FAM222A: variants seen among roughly 807,000 people sequenced by gnomAD.
FAM222A encodes the protein family with sequence similarity 222 member A.
Under a neutral mutation model 25.8 loss-of-function variants are expected in FAM222A, and 7 were observed. The observed-to-expected ratio is 0.27, with a 90% confidence interval of 0.15 to 0.51. The LOEUF is 0.51. Among genes scored for constraint, FAM222A ranks in the 20% least tolerant of loss-of-function variants. The pLI is 0.97. For missense variants in FAM222A, 573 were observed against 640.5 expected, an observed-to-expected ratio of 0.89 and a Z score of 1.14; for synonymous variants, 294 against 298.8, an observed-to-expected ratio of 0.98 and a Z score of 0.17.
chr12:109,764,309 G>A (rs745842528), intron 2 of FAM222A, among the ~76,000 whole-genome samples: 11 of 151,492 alleles, frequency 7.3e-5, no homozygotes, highest in Non-Finnish European at 1.3e-4. Flanking sequence ...CACTTTCTGT[G>A]GAATGGCAGA....
intron 2 of FAM222A, among the ~76,000 whole-genome samples, chr12:109,745,448 C>T (rs1461025237): frequency 6.6e-6 from 1 of 152,302 alleles, no homozygotes; most frequent in Non-Finnish European, 1.5e-5. Context: ...GATAAAACTG[C>T]AGGGTACATT....
At chr12:109,722,264 G>T in intron 1 of FAM222A, among the ~76,000 whole-genome samples, 1 of 152,308 alleles carries the variant, frequency 6.6e-6, no homozygotes, top group East Asian at 1.9e-4. Context: ...AGGAGCCAGG[G>T]CTGGCCTGGA....
chr12:109,748,916 AG>A (rs1888482222), intron 2 of FAM222A, among the ~76,000 whole-genome samples: 1 of 151,942 alleles, frequency 6.6e-6, no homozygotes. Flanking sequence ...TTTCCCTTAG[AG>A]AGTTACATTT....
chr12:109,716,204 G>C (rs1191091489), intron 1 of FAM222A, among the ~76,000 whole-genome samples: 1 of 152,278 alleles, frequency 6.6e-6, no homozygotes, highest in South Asian at 2.1e-4. Context: ...CCCTGCAAAG[G>C]CCCAGAGAAC....
chr12:109,768,836 T>G lies in FAM222A; in HGVS notation c.907T>G (p.Tyr303Asp). The change falls in exon 3 of 3, where the codon TAC becomes GAC. Residue 303 changes from tyrosine to aspartate, a missense_variant. By Grantham distance (160) the Tyr-to-Asp change is radical. Transcript: ENST00000538780. ...PPPPPQPLRA[Y>D]SGSTVASKSP... is the part of the protein sequence containing the mutation. ...ACCGCCGCCCCAGCCACTGCGTGCCTACAGTGGGAGCACGGTGGCCAGCAA... is the reference window on the plus strand; with the variant it reads ...ACCGCCGCCCCAGCCACTGCGTGCCGACAGTGGGAGCACGGTGGCCAGCAA... The G allele has an allele frequency of 6.3e-7, 1 of 1,580,608 alleles. No homozygotes were observed. Among genetic ancestry groups the G allele is most frequent in the South Asian group, 1.1e-5 (1 of 87,986 alleles).
rs373818308 is a variant in FAM222A, at chr12:109,744,152, G to A, written c.6G>A (p.Leu2=). 2 of 1,613,122 alleles carry A rather than the reference G, an allele frequency of 1.2e-6. No individual in the cohort carries two copies. The highest frequency in any genetic ancestry group is 1.7e-6 in the Non-Finnish European group (2 of 1,179,944). Residue 2 remains leucine, a synonymous_variant, in exon 2 of 3, where the codon CTG becomes CTA. Transcript: ENST00000538780. ...TGGGGACCCCCAGCTCAGCCATGCT[G>A]GCCTGTCTGCAGAGGACCCAGAACG... M[L]ACLQRTQNAP...
At chr12:109,751,399 T>A (rs2136358689) in intron 2 of FAM222A, among the ~76,000 whole-genome samples, 1 of 152,230 alleles carries the variant, frequency 6.6e-6, no homozygotes, top group East Asian at 1.9e-4. Flanking sequence ...TTGCCTTGCT[T>A]TCATTTTTTA....
At chr12:109,727,491 T>C (rs1310027378) in intron 1 of FAM222A, among the ~76,000 whole-genome samples, 4 of 152,128 alleles carry the variant, frequency 2.6e-5, no homozygotes, top group Non-Finnish European at 4.4e-5. Context: ...GGTCCTTGGC[T>C]GCTAGAGGAG....
chr12:109,769,211 A>G lies in FAM222A; in HGVS notation c.1282A>G (p.Lys428Glu), dbSNP rs1246279790. 1 of 1,612,196 alleles carries G rather than the reference A, an allele frequency of 6.2e-7. No homozygotes were observed. The change falls in exon 3 of 3, where the codon AAG becomes GAG. Residue 428 changes from lysine to glutamate, a missense_variant. Physicochemically the swap from Lys to Glu is moderately conservative, Grantham distance 56 (BLOSUM62 1). Transcript: ENST00000538780. ...PPCIKEQMLG[K>E]GYETVAVPRL... ...CTGCATCAAGGAGCAGATGCTGGGCAAGGGCTATGAGACGGTGGCCGTGCC... is the reference window on the plus strand; with the variant it reads ...CTGCATCAAGGAGCAGATGCTGGGCGAGGGCTATGAGACGGTGGCCGTGCC...
intron 1 of FAM222A, among the ~76,000 whole-genome samples, chr12:109,723,632 C>T (rs1410482868): frequency 6.6e-6 from 1 of 152,256 alleles, no homozygotes. Context: ...AAGCCCCACC[C>T]CAGCTGCCTG....
chr12:109,767,062 C>CTTTTTT (rs757766627), intron 2 of FAM222A, among the ~76,000 whole-genome samples: 25 of 93,062 alleles, frequency 2.7e-4, no homozygotes, highest in African/African-American at 6.0e-4. Context: ...TGCTTGGCTT[C>CTTTTTT]TTTTTTTTTT....
intron 1 of FAM222A, among the ~76,000 whole-genome samples, chr12:109,741,570 C>G (rs1262124612): frequency 6.6e-6 from 1 of 152,210 alleles, no homozygotes; most frequent in Admixed American, 6.5e-5. Context: ...CACCCTTTTT[C>G]AACTGCAAAG....
intron 1 of FAM222A, among the ~76,000 whole-genome samples, chr12:109,721,761 T>C (rs1320182379): frequency 6.6e-6 from 1 of 152,200 alleles, no homozygotes. Flanking sequence ...TGTTCATCCA[T>C]GCAGATTCCG....
At chr12:109,721,760 A>G (rs1887751078) in intron 1 of FAM222A, among the ~76,000 whole-genome samples, 1 of 152,202 alleles carries the variant, frequency 6.6e-6, no homozygotes, top group African/African-American at 2.4e-5. Flanking sequence ...GTGTTCATCC[A>G]TGCAGATTCC....
At chr12:109,763,819 A>G (rs1040406408) in intron 2 of FAM222A, among the ~76,000 whole-genome samples, 1 of 152,236 alleles carries the variant, frequency 6.6e-6, no homozygotes, top group African/African-American at 2.4e-5. Flanking sequence ...GTGGCAGATC[A>G]TGGAGGCCAG....
Position 109,769,463 on chromosome 12 carries a change from A to C in FAM222A, c.*175A>C. ...TGGCCGGATGGAGGGTGGCAGGGCA[A>C]CCTCACATACCAAGGCCCCTCCCCA... On this transcript the variant is annotated 3_prime_UTR_variant, in exon 3 of 3. Transcript: ENST00000538780. The C allele has an allele frequency of 2.7e-6, 2 of 754,180 alleles. No individual in the cohort carries two copies. Among genetic ancestry groups the C allele is most frequent in the Non-Finnish European group, 4.2e-6 (2 of 478,434 alleles). 46.7% of individuals were successfully genotyped at this position (754,180 alleles called of 1,614,324 possible).
intron 1 of FAM222A, among the ~76,000 whole-genome samples, chr12:109,740,484 G>C (rs372948592): frequency 2.6e-5 from 4 of 152,196 alleles, no homozygotes; most frequent in Non-Finnish European, 2.9e-5. Flanking sequence ...TTGGCCAGGG[G>C]GGTAATGAGT....
chr12:109,725,794 C>T (rs145608911), intron 1 of FAM222A, among the ~76,000 whole-genome samples: 99 of 152,138 alleles, frequency 6.5e-4, no homozygotes, highest in African/African-American at 1.7e-3. Context: ...AAAGCCGGCC[C>T]GGAATCCTGT....
rs1423632478 is a variant in FAM222A, at chr12:109,714,238, C to T, written c.-706C>T. 2 of 205,842 alleles carry T rather than the reference C, an allele frequency of 9.7e-6. No homozygotes were observed. The highest frequency in any genetic ancestry group is 1.7e-4 in the East Asian group (1 of 6,030). 12.8% of individuals were successfully genotyped at this position (205,842 alleles called of 1,614,324 possible). ...CGCCGCTGCCGCCGCCGCTGTTCGC[C>T]GGCTTCCCCTCCCCCCACACCCGGG... On this transcript the variant is annotated 5_prime_UTR_variant, in exon 1 of 3. Transcript: ENST00000538780. This position sits in a 1 kb window ranked among gnomAD's most constrained non-coding sequence, Gnocchi z 4.2.
Sources: gnomAD v4.1 joint callset for allele counts (sites outside exome capture counted in the v4.1 genomes callset) on GRCh38, gnomAD v4.1.1 for gene constraint, Gnocchi (gnomAD v3.1) non-coding constraint, MANE v1.5 for transcripts, NCBI Gene and HGNC (gene_info 2026-07-23, HGNC 2026-07-21) for gene names.